Variants in TMEM230 observed in about 807,000 individuals in gnomAD.
TMEM230 encodes UPF0414 transmembrane protein C20orf30.
Under a neutral mutation model 15.8 loss-of-function variants are expected in TMEM230, and 10 were observed. The ratio of observed to expected loss-of-function variants is 0.63; its 90% CI spans 0.39 to 1.07. The LOEUF (loss-of-function observed/expected upper bound fraction) is 1.07. TMEM230 is among the 50% of genes least tolerant of loss of function. The probability of loss-of-function intolerance (pLI) is 0.01; values close to 1 mark genes in which losing one functional copy is unlikely to be tolerated. For missense variants in TMEM230, 165 were observed against 193.3 expected (o/e 0.85, Z 0.87); for synonymous variants, 67 against 76.9 (o/e 0.87, Z 0.68).
At chr20:5,083,574 T>C (rs1357035902) in intron 3 of TMEM230, among the ~76,000 whole-genome samples, 3 of 152,154 alleles carry the variant, frequency 2.0e-5, no homozygotes, top group Non-Finnish European at 4.4e-5. Flanking sequence ...CCATTTGTTT[T>C]AACCCACAGC....
At chr20:5,076,477 G>T (rs1233457299) in intron 3 of TMEM230, among the ~76,000 whole-genome samples, 1 of 151,960 alleles carries the variant, frequency 6.6e-6, no homozygotes, top group African/African-American at 2.4e-5. Context: ...TGAGGTGGAG[G>T]TTGCAGTGAG....
chr20:5,102,884 A>G (rs2089927483), intron 4 of TMEM230, among the ~76,000 whole-genome samples: 1 of 152,200 alleles, frequency 6.6e-6, no homozygotes, highest in South Asian at 2.1e-4. Context: ...TAAGGAGGAT[A>G]ATACTAGCAA....
At chr20:5,091,697 A>G (rs184720443) in intron 3 of TMEM230, among the ~76,000 whole-genome samples, 1 of 148,304 alleles carries the variant, frequency 6.7e-6, no homozygotes, top group East Asian at 2.1e-4. Flanking sequence ...AAACTTCTGG[A>G]GGATGGGCAT....
rs79347070 is a variant in TMEM230, at chr20:5,091,996, T to A, written c.222+14192A>T. 6.6e-3 allele frequency among the ~76,000 whole-genome samples: 1,006 copies of A among 152,340 alleles called. 6 individuals are homozygous for A. Among genetic ancestry groups the A allele is most frequent in the Non-Finnish European group, 0.011 (748 of 68,022 alleles). On this transcript the variant is annotated intron_variant, in intron 3 of 3. Coordinates refer to the TMEM230 transcript ENST00000612323. ...AGAGATACTTTTGTTCCCAAAGTAC[T>A]CTCAAGTTTCAAGTTTTGGTGACCT...
intron 4 of TMEM230, among the ~76,000 whole-genome samples, chr20:5,105,873 T>C (rs2090056497): frequency 6.6e-6 from 1 of 151,908 alleles, no homozygotes; most frequent in African/African-American, 2.4e-5. Context: ...ACCCTGTCTC[T>C]ACACAAAATA....
chr20:5,109,179 G>A (rs1046877467), intron 3 of TMEM230, 153 bp downstream of exon 2: 5 of 587,672 alleles, frequency 8.5e-6, no homozygotes, highest in African/African-American at 3.7e-5. Flanking sequence ...CCTCTTCTGC[G>A]ATTATGGCTG....
chr20:5,081,406 G>A (rs1431986696), intron 3 of TMEM230, among the ~76,000 whole-genome samples: 1 of 152,206 alleles, frequency 6.6e-6, no homozygotes, highest in Non-Finnish European at 1.5e-5. Context: ...AAAGGCTATG[G>A]GCACAGCAGG....
At chr20:5,096,949 T>A (rs2089681501), downstream of TMEM230, among the ~76,000 whole-genome samples, 1 of 152,150 alleles carries the variant, frequency 6.6e-6, no homozygotes, top group Admixed American at 6.6e-5. Flanking sequence ...TGGTGGAAAC[T>A]TTAGTGAACT....
At position 5,109,392 on chromosome 20, in the gene TMEM230, G is replaced by C; in HGVS notation, c.228C>G (p.Pro76=). 1 of 1,613,812 alleles carries C rather than the reference G, an allele frequency of 6.2e-7. No individual in the cohort carries two copies. The highest frequency in any genetic ancestry group is 8.5e-7 in the Non-Finnish European group (1 of 1,179,826). The change falls in exon 3 of 5, where the codon CCC becomes CCG. Residue 76 remains proline (P), a synonymous_variant. Transcript: ENST00000342308. ...GCCTTGAATATTTCACTTTACTACTGGGGATTCCAGTAGCCAGGTTGGTAC... is the reference window on the plus strand; with the variant it reads ...GCCTTGAATATTTCACTTTACTACTCGGGATTCCAGTAGCCAGGTTGGTAC...
intron 3 of TMEM230, among the ~76,000 whole-genome samples, chr20:5,084,893 A>C (rs1462228123): frequency 6.6e-6 from 1 of 152,222 alleles, no homozygotes; most frequent in African/African-American, 2.4e-5. Context: ...CTGTTGATGC[A>C]ACATAACATC....
chr20:5,077,213 G>A (rs2089032192), intron 3 of TMEM230, among the ~76,000 whole-genome samples: 1 of 151,902 alleles, frequency 6.6e-6, no homozygotes. Flanking sequence ...AAACTGAGGT[G>A]GGAGGGTCAT....
At chr20:5,109,765 AC>A (rs2090240618) in intron 2 of TMEM230, among the ~76,000 whole-genome samples, 1 of 152,182 alleles carries the variant, frequency 6.6e-6, no homozygotes, top group African/African-American at 2.4e-5. Flanking sequence ...AGATTCCCTG[AC>A]TTTTAATTTT....
the TMEM230 span, among the ~76,000 whole-genome samples, chr20:5,062,503 C>G: frequency 6.6e-6 from 1 of 152,144 alleles, no homozygotes; most frequent in African/African-American, 2.4e-5. Context: ...CACCTGTAAT[C>G]CCAGCACTTT....
At chr20:5,096,982 CTT>C (rs1007548899), downstream of TMEM230, among the ~76,000 whole-genome samples, 2 of 152,184 alleles carry the variant, frequency 1.3e-5, no homozygotes, top group African/African-American at 4.8e-5. Flanking sequence ...TCAGCTAAAA[CTT>C]GTACTACCTT....
chr20:5,074,949 C>T (rs982494022), intron 3 of TMEM230, among the ~76,000 whole-genome samples: 2 of 151,978 alleles, frequency 1.3e-5, no homozygotes, highest in Non-Finnish European at 2.9e-5. Context: ...AGGCATAAAC[C>T]ACCACACCTA....
downstream of TMEM230, among the ~76,000 whole-genome samples, chr20:5,094,844 G>A (rs1215690327): frequency 2.6e-5 from 4 of 151,964 alleles, 1 homozygote; most frequent in African/African-American, 9.7e-5. Context: ...AGTGCCATCA[G>A]TAAGCTAAGG....
At chr20:5,112,744 C>A in intron 1 of TMEM230, 1 of 1,452,048 alleles carries the variant, frequency 6.9e-7, no homozygotes, top group Non-Finnish European at 9.1e-7. Flanking sequence ...TTCTCCTACC[C>A]GTCTTCAGAC....
At chr20:5,068,297 G>GA, downstream of TMEM230, 1 of 152,294 alleles carries the variant, frequency 6.6e-6, no homozygotes, top group East Asian at 1.9e-4. Flanking sequence ...AGGCATGCTG[G>GA]AAAACGTAGC....
intron 3 of TMEM230, among the ~76,000 whole-genome samples, chr20:5,086,517 C>T (rs1234869054): frequency 2.7e-5 from 3 of 110,788 alleles, no homozygotes; most frequent in South Asian, 2.9e-4. Flanking sequence ...CCAGCCTGGG[C>T]AACAGAGCCA....
Sources: allele counts gnomAD v4.1 joint callset (sites outside exome capture counted in the v4.1 genomes callset), GRCh38; gene constraint gnomAD v4.1.1; transcripts MANE v1.5; gene names NCBI Gene and HGNC (gene_info 2026-07-23, HGNC 2026-07-21).